The following SLC35D4 variants were observed in gnomAD, a reference collection of about 807,000 sequenced individuals.
SLC35D4 encodes the protein UDP-N-acetylglucosamine transporter SLC35D4.
chr18:23,293,748 G>A, the SLC35D4 span, among the ~76,000 whole-genome samples: 1 of 152,202 alleles, frequency 6.6e-6, no homozygotes, highest in African/African-American at 2.4e-5. Flanking sequence ...GTATTGAAGA[G>A]AACAGAAAGA....
the SLC35D4 span, among the ~76,000 whole-genome samples, chr18:23,342,644 C>T: frequency 1.3e-5 from 2 of 152,136 alleles, no homozygotes; most frequent in African/African-American, 4.8e-5. Flanking sequence ...TCTAAAACTA[C>T]CAAACTGTTT....
chr18:23,409,533 T>G, the SLC35D4 span, among the ~76,000 whole-genome samples: 2 of 152,138 alleles, frequency 1.3e-5, no homozygotes, highest in Non-Finnish European at 2.9e-5. Flanking sequence ...ATTCAATCAA[T>G]TACAGATCAA....
At chr18:23,350,920 G>A in the SLC35D4 span, among the ~76,000 whole-genome samples, 4 of 152,138 alleles carry the variant, frequency 2.6e-5, no homozygotes, top group Non-Finnish European at 4.4e-5. Flanking sequence ...GAACAAATGC[G>A]TCTCAATTTA....
chr18:23,244,104 A>C, the SLC35D4 span, among the ~76,000 whole-genome samples: 1 of 152,142 alleles, frequency 6.6e-6, no homozygotes. Flanking sequence ...CTCATTCTCT[A>C]CTGCCACTGT....
the SLC35D4 span, among the ~76,000 whole-genome samples, chr18:23,301,172 T>C: frequency 6.6e-6 from 1 of 152,238 alleles, no homozygotes; most frequent in Non-Finnish European, 1.5e-5. Flanking sequence ...CACCGCAATG[T>C]GTCTGTCCCA....
the SLC35D4 span, among the ~76,000 whole-genome samples, chr18:23,312,796 G>A: frequency 0.34 from 52,264 of 151,854 alleles, 9,886 homozygotes; most frequent in Non-Finnish European, 0.43. Context: ...GGTCAGTGCC[G>A]CAGAGCCTGG....
At chr18:23,264,273 T>C in the SLC35D4 span, among the ~76,000 whole-genome samples, 1 of 150,966 alleles carries the variant, frequency 6.6e-6, no homozygotes, top group African/African-American at 2.4e-5. Context: ...CTTTTATTCA[T>C]GCCAGAAGGC....
chr18:23,290,996 G>A, the SLC35D4 span, among the ~76,000 whole-genome samples: 1 of 152,136 alleles, frequency 6.6e-6, no homozygotes, highest in South Asian at 2.1e-4. Flanking sequence ...TAAGTTCCAG[G>A]AGGGCTCATC....
At chr18:23,436,114 G>A in the SLC35D4 span, among the ~76,000 whole-genome samples, 2 of 134,962 alleles carry the variant, frequency 1.5e-5, no homozygotes, top group African/African-American at 2.8e-5. Flanking sequence ...TACAACCTCC[G>A]CCTCTCAGGT....
the SLC35D4 span, among the ~76,000 whole-genome samples, chr18:23,359,739 G>A: frequency 6.6e-6 from 1 of 152,148 alleles, no homozygotes; most frequent in African/African-American, 2.4e-5. Flanking sequence ...TAACAAGGTT[G>A]TTTCTGGGTC....
the SLC35D4 span, among the ~76,000 whole-genome samples, chr18:23,405,397 T>A: frequency 6.6e-6 from 1 of 151,984 alleles, no homozygotes; most frequent in Non-Finnish European, 1.5e-5. Flanking sequence ...ACCATGTTGG[T>A]CAGGCTGACC....
At chr18:23,262,105 A>T in the SLC35D4 span, among the ~76,000 whole-genome samples, 1 of 152,224 alleles carries the variant, frequency 6.6e-6, no homozygotes, top group African/African-American at 2.4e-5. Flanking sequence ...CTGTCTAGGA[A>T]AGAGAAAGGT....
the SLC35D4 span, among the ~76,000 whole-genome samples, chr18:23,428,308 C>T: frequency 6.6e-6 from 1 of 152,056 alleles, no homozygotes; most frequent in Non-Finnish European, 1.5e-5. Context: ...AAATTGTCCA[C>T]CTTGATGAAT....
At chr18:23,327,306 G>C in the SLC35D4 span, among the ~76,000 whole-genome samples, 1 of 152,094 alleles carries the variant, frequency 6.6e-6, no homozygotes, top group East Asian at 1.9e-4. Flanking sequence ...CCACTAGCAA[G>C]ATTAATAAAG....
At chr18:23,249,279 G>A in the SLC35D4 span, among the ~76,000 whole-genome samples, 1 of 152,302 alleles carries the variant, frequency 6.6e-6, no homozygotes, top group East Asian at 1.9e-4. Context: ...AGCACAACAG[G>A]GCATCCCAGG....
the SLC35D4 span, among the ~76,000 whole-genome samples, chr18:23,329,326 C>G: frequency 1.3e-5 from 2 of 152,136 alleles, no homozygotes; most frequent in African/African-American, 4.8e-5. Context: ...GGGCTAATAT[C>G]CAGAGTCTAC....
the SLC35D4 span, among the ~76,000 whole-genome samples, chr18:23,284,403 A>G: frequency 7.2e-5 from 11 of 152,234 alleles, no homozygotes; most frequent in Non-Finnish European, 1.5e-4. Flanking sequence ...ATTTCTTTCT[A>G]CTGACTTCAA....
chr18:23,308,017 G>T, the SLC35D4 span, among the ~76,000 whole-genome samples: 1 of 152,216 alleles, frequency 6.6e-6, no homozygotes, highest in Non-Finnish European at 1.5e-5. Context: ...ACTGCTTCTG[G>T]GAGGGAGGCA....
chr18:23,329,918 G>A, the SLC35D4 span, among the ~76,000 whole-genome samples: 4 of 152,186 alleles, frequency 2.6e-5, no homozygotes, highest in African/African-American at 9.7e-5. Flanking sequence ...CATGGATGAA[G>A]CTGGAAACCA....
Sources: allele counts gnomAD v4.1 joint callset (sites outside exome capture counted in the v4.1 genomes callset), GRCh38; gene constraint gnomAD v4.1.1; transcripts MANE v1.5; gene names NCBI Gene and HGNC (gene_info 2026-07-23, HGNC 2026-07-21).